The following RAPGEF6 variants were observed in gnomAD, a reference collection of about 807,000 sequenced individuals.
The protein encoded by RAPGEF6 is PDZ domain containing guanine nucleotide exchange factor (GEF) 2.
Under a neutral mutation model 171.4 loss-of-function variants are expected in RAPGEF6, and 56 were observed. The observed-to-expected ratio is 0.33, with a 90% CI of 0.26 to 0.41. The LOEUF (loss-of-function observed/expected upper bound fraction) is 0.41, where lower values mean the gene tolerates loss of function less well. Among genes scored for constraint, RAPGEF6 ranks in the 10% least tolerant of loss-of-function variants. RAPGEF6 has a pLI of 1.00. For synonymous variants in RAPGEF6, 692 were observed against 650.1 expected (o/e 1.06, Z -0.98); for missense variants, 1,674 against 1,921.4 (o/e 0.87, Z 2.41).
Position 131,505,490 on chromosome 5 carries a change from A to G in RAPGEF6, c.975T>C (p.Thr325=). ...TTCCATCTGGATGACTGATTTCCAC[A>G]GTGCCGTTTAAAATAACATACCATG... The part of the protein sequence containing the change: ...LDSWYVILNG[T]VEISHPDGKV... The change falls in exon 10 of 28, where the codon ACT becomes ACC. Residue 325 remains threonine, a synonymous_variant. Transcript: ENST00000509018. 1 of 1,613,620 alleles carries G rather than the reference A, an allele frequency of 6.2e-7. No individual in the cohort carries two copies. Among genetic ancestry groups the G allele is most frequent in the Non-Finnish European group, 8.5e-7 (1 of 1,179,758 alleles).
At chr5:131,509,294 A>C (rs1757562902) in intron 8 of RAPGEF6, among the ~76,000 whole-genome samples, 1 of 152,184 alleles carries the variant, frequency 6.6e-6, no homozygotes, top group Non-Finnish European at 1.5e-5. Context: ...CTGTAATCCC[A>C]GCACTTAGGG....
At chr5:131,476,685 C>G (rs1383140255) in intron 16 of RAPGEF6, among the ~76,000 whole-genome samples, 1 of 152,130 alleles carries the variant, frequency 6.6e-6, no homozygotes, top group Non-Finnish European at 1.5e-5. Context: ...GTGTACGCCA[C>G]CATGTCCAGC....
chr5:131,613,907 G>A (rs1000262313), intron 1 of RAPGEF6, among the ~76,000 whole-genome samples: 2 of 152,122 alleles, frequency 1.3e-5, no homozygotes, highest in Admixed American at 1.3e-4. Context: ...TAGTGACACC[G>A]AGAAGCAAGA....
At chr5:131,496,669 G>GTGTA (rs1756660193) in intron 12 of RAPGEF6, among the ~76,000 whole-genome samples, 1 of 152,112 alleles carries the variant, frequency 6.6e-6, no homozygotes, top group African/African-American at 2.4e-5. Flanking sequence ...GTTCATCATG[G>GTGTA]TGTAGTAAGT....
chr5:131,535,093 A>G (rs1759677076), intron 6 of RAPGEF6, among the ~76,000 whole-genome samples: 1 of 152,142 alleles, frequency 6.6e-6, no homozygotes, highest in Non-Finnish European at 1.5e-5. Context: ...AACTCAGTAA[A>G]GGAACAAAAT....
chr5:131,483,503 A>G (rs1212065334), intron 15 of RAPGEF6, among the ~76,000 whole-genome samples: 2 of 152,178 alleles, frequency 1.3e-5, no homozygotes, highest in African/African-American at 2.4e-5. Flanking sequence ...GTGAGTACAC[A>G]TAACTACAAT....
At position 131,492,633 on chromosome 5, in the gene RAPGEF6, T is replaced by C; in HGVS notation, c.1680A>G (p.Gly560=). 1 of 1,614,174 alleles carries C rather than the reference T, an allele frequency of 6.2e-7. No individual in the cohort carries two copies. The highest frequency in any genetic ancestry group is 8.5e-7 in the Non-Finnish European group (1 of 1,180,018). Residue 560 remains glycine, a synonymous_variant, in exon 14 of 28, where the codon GGA becomes GGG. Coordinates refer to ENST00000509018, the MANE Select transcript of RAPGEF6 (RefSeq NM_016340.6). ...SEKGFGIFVE[G]VEPGSKAADS... ...CAGCAGCTTTGCTACCAGGTTCTAC[T>C]CCTTCAACAAAAATACCAAATCCCT...
chr5:131,533,861 T>A (rs541238728), intron 6 of RAPGEF6, among the ~76,000 whole-genome samples: 7 of 152,078 alleles, frequency 4.6e-5, no homozygotes, highest in Non-Finnish European at 1.0e-4. Context: ...CTAAAAAAAA[T>A]TGCCCCATTT....
rs36091456 is a variant in RAPGEF6, at chr5:131,517,780, T to TACACACAC, written c.627+3602_627+3609dup. ...ATCTGATTGGAAACATTCGCGCATG[T>TACACACAC]ACACACACACACACACACACACACA... is the stretch of plus-strand genomic sequence containing the variant. On this transcript the variant is annotated intron_variant, in intron 7 of 27. Coordinates refer to ENST00000509018, the MANE Select transcript of RAPGEF6 (RefSeq NM_016340.6). 2.6e-3 allele frequency among the ~76,000 whole-genome samples: 363 copies of TACACACAC among 140,482 alleles called. 1 individual carries two copies. The highest frequency in any genetic ancestry group is 4.1e-3 in the South Asian group (17 of 4,192). 92.2% of individuals were successfully genotyped at this position (140,482 alleles called of 152,430 possible). A position where few individuals can be genotyped will look rare whatever the true frequency, so the allele number is the denominator to read the frequency against.
chr5:131,489,392 A>G (rs1161123823), intron 15 of RAPGEF6, among the ~76,000 whole-genome samples, 154 bp downstream of exon 15: 6 of 152,222 alleles, frequency 3.9e-5, no homozygotes, highest in African/African-American at 9.6e-5. Context: ...AAATTCTAGA[A>G]TACATAATAG....
At chr5:131,630,846 C>T (rs1254775030) in intron 1 of RAPGEF6, among the ~76,000 whole-genome samples, 1 of 152,216 alleles carries the variant, frequency 6.6e-6, no homozygotes, top group African/African-American at 2.4e-5. Context: ...CAAATGATTT[C>T]AACATACTAA....
chr5:131,440,594 C>T (rs1215991540), intron 23 of RAPGEF6, among the ~76,000 whole-genome samples: 2 of 151,762 alleles, frequency 1.3e-5, no homozygotes, highest in Non-Finnish European at 2.9e-5. Flanking sequence ...AAAAACTAGC[C>T]AGGTGTGGTG....
chr5:131,552,028 G>A (rs1384253163), intron 5 of RAPGEF6, among the ~76,000 whole-genome samples: 1 of 151,990 alleles, frequency 6.6e-6, no homozygotes, highest in Non-Finnish European at 1.5e-5. Context: ...ACTTGAACTT[G>A]GGAAACCAAT....
At chr5:131,466,589 C>G (rs1228143103) in intron 17 of RAPGEF6, among the ~76,000 whole-genome samples, 1 of 152,156 alleles carries the variant, frequency 6.6e-6, no homozygotes, top group African/African-American at 2.4e-5. Context: ...GAACAAGTCT[C>G]ACGAGATCTG....
chr5:131,632,020 G>A (rs1766340210), intron 1 of RAPGEF6, among the ~76,000 whole-genome samples: 2 of 145,896 alleles, frequency 1.4e-5, no homozygotes, highest in Admixed American at 1.4e-4. Context: ...AGATTGCAGT[G>A]AGCCCAGACT....
At chr5:131,489,515 G>A in intron 15 of RAPGEF6, 31 bp downstream of exon 15, 1 of 1,288,514 alleles carries the variant, frequency 7.8e-7, no homozygotes, top group Non-Finnish European at 1.1e-6. Flanking sequence ...TAAGAAGAAA[G>A]AGTTCAGGCA....
At chr5:131,464,444 CTTTT>C (rs374880967) in intron 17 of RAPGEF6, 163 bp from the exon 18 acceptor site, 2 of 465,042 alleles carry the variant, frequency 4.3e-6, no homozygotes, top group South Asian at 2.8e-5. Flanking sequence ...TAAATATATC[CTTTT>C]TTTTTTTTCA....
In RAPGEF6 at chr5:131,426,714, GT is replaced by G; in HGVS notation, c.*551del. 7.5e-6 allele frequency: 1 copy of G among 132,816 alleles called. No homozygotes were observed. Among genetic ancestry groups the G allele is most frequent in the Non-Finnish European group, 1.7e-5 (1 of 59,260 alleles). The allele number at this position is 132,816 out of a possible 1,614,324, so 8.2% of individuals were successfully genotyped here. A position where few individuals can be genotyped will look rare whatever the true frequency, so the allele number is the denominator to read the frequency against. On this transcript the variant is annotated 3_prime_UTR_variant, in exon 28 of 28. Transcript: ENST00000509018. ...TGTGTAGATCAAGCATATCACCTCT[GT>G]AAAGATGACTTCTGTTTGGTCAGAC...
chr5:131,435,857 G>T (rs536496664), intron 24 of RAPGEF6: 3 of 1,432,486 alleles, frequency 2.1e-6, no homozygotes, highest in Non-Finnish European at 2.7e-6. Flanking sequence ...TTACTAAGTT[G>T]TCTGCCTAAG....
Sources: gnomAD v4.1 joint callset for allele counts (sites outside exome capture counted in the v4.1 genomes callset) on GRCh38, gnomAD v4.1.1 for gene constraint, MANE v1.5 for transcripts, NCBI Gene and HGNC (gene_info 2026-07-23, HGNC 2026-07-21) for gene names.